The following TPRG1 variants were observed in gnomAD, a reference collection of about 807,000 sequenced individuals.
TPRG1 encodes the protein tumor protein p63 regulated 1.
Under a neutral mutation model 29.3 loss-of-function variants are expected in TPRG1, and 29 were observed. That is an observed-to-expected ratio of 0.99 (90% confidence interval 0.74 to 1.35). TPRG1 has a LOEUF of 1.35. Ranked by LOEUF, TPRG1 falls within the 40% of genes most tolerant of loss-of-function variation. TPRG1 has a pLI of 0.00. For synonymous variants in TPRG1, 130 were observed against 116.8 expected (o/e 1.11, Z -0.73); for missense variants, 327 against 335.0 (o/e 0.98, Z 0.19).
At chr3:189,318,913 T>A (rs7643990) in intron 5 of TPRG1, among the ~76,000 whole-genome samples, 24,338 of 152,170 alleles carry the variant, frequency 0.16, 2,839 homozygotes, top group East Asian at 0.31. Flanking sequence ...ATTAGAATTT[T>A]ATAATTCCTG....
chr3:189,078,052 CT>C (rs1444904572), intron 4 of TPRG1, among the ~76,000 whole-genome samples: 12 of 147,556 alleles, frequency 8.1e-5, no homozygotes, highest in African/African-American at 2.6e-4. Flanking sequence ...TCCTTCCTTC[CT>C]TCCTTCCTTT....
chr3:189,217,798 C>G (rs1736297941), intron 3 of TPRG1: 1 of 979,622 alleles, frequency 1.0e-6, no homozygotes, highest in Non-Finnish European at 1.2e-6. Context: ...AAATAATTGT[C>G]AAAAAGAGGA....
intron 4 of TPRG1, among the ~76,000 whole-genome samples, chr3:189,284,068 C>T (rs1187555820): frequency 6.6e-6 from 1 of 152,174 alleles, no homozygotes; most frequent in Non-Finnish European, 1.5e-5. Flanking sequence ...ATTACAAGGA[C>T]ATGTATCCTC....
chr3:189,292,173 A>G (rs1464054923), intron 4 of TPRG1, among the ~76,000 whole-genome samples: 1 of 152,130 alleles, frequency 6.6e-6, no homozygotes, highest in African/African-American at 2.4e-5. Context: ...TTTTTGCAGC[A>G]TCAGTGTAGG....
chr3:189,144,078 C>A (rs561312749), intron 3 of TPRG1, among the ~76,000 whole-genome samples: 2 of 152,266 alleles, frequency 1.3e-5, no homozygotes, highest in East Asian at 1.9e-4. Flanking sequence ...TGTTTTACTA[C>A]GATTTTAAAA....
At chr3:189,277,474 A>G (rs73061053) in intron 4 of TPRG1, among the ~76,000 whole-genome samples, 2,001 of 152,196 alleles carry the variant, frequency 0.013, 43 homozygotes, top group African/African-American at 0.046. Flanking sequence ...ATACAGCTCT[A>G]TGCTATTAGA....
In TPRG1 at chr3:189,174,375, A is replaced by G. The variant is rs1243122738; in HGVS notation, c.-10+2244A>G. On this transcript the variant is annotated intron_variant, in intron 1 of 5. Coordinates refer to ENST00000345063, the MANE Select transcript of TPRG1 (RefSeq NM_198485.4). ...ATAATGGACCCACATCCCCTCATGG[A>G]TAACACCTGTGCTGGGGCCGGGCAG... is the stretch of plus-strand genomic sequence containing the variant. Among the ~76,000 whole-genome samples, 3 of 152,194 alleles carry G rather than the reference A, an allele frequency of 2.0e-5. No individual in the cohort carries two copies. The East Asian group carries it at 5.8e-4, about 29-fold the overall frequency.
rs1482004763 is a variant in TPRG1 at position 189,221,415 on chromosome 3, T to C, written c.302+6032T>C. 3.9e-5 allele frequency among the ~76,000 whole-genome samples: 6 copies of C among 152,286 alleles called. No individual in the cohort carries two copies. In the South Asian group the frequency reaches 6.2e-4, roughly 16 times the overall value. ...CACTGTTGTGCAAAGATTCCACACG[T>C]GCCTCAGTATTATATTGTAACCTTC... On this transcript the variant is annotated intron_variant, in intron 3 of 5. Coordinates refer to ENST00000345063, the MANE Select transcript of TPRG1 (RefSeq NM_198485.4).
intron 1 of TPRG1, chr3:189,121,300 A>G (rs1004053467): frequency 1.1e-4 from 16 of 152,308 alleles, no homozygotes; most frequent in African/African-American, 3.8e-4. Context: ...ACTCCGGAAG[A>G]CAATATTTCT....
chr3:189,076,863 G>C (rs945330089), intron 4 of TPRG1, among the ~76,000 whole-genome samples: 2 of 151,618 alleles, frequency 1.3e-5, no homozygotes, highest in Non-Finnish European at 2.9e-5. Context: ...GATTTGAAAA[G>C]AAGTTATAGC....
chr3:189,094,404 G>A (rs1718539984), intron 4 of TPRG1, among the ~76,000 whole-genome samples: 1 of 152,006 alleles, frequency 6.6e-6, no homozygotes, highest in Non-Finnish European at 1.5e-5. Flanking sequence ...ATTCCACTAT[G>A]CCTCTGCATG....
intron 4 of TPRG1, among the ~76,000 whole-genome samples, chr3:189,274,461 G>T (rs1188820438): frequency 6.6e-6 from 1 of 152,000 alleles, no homozygotes; most frequent in African/African-American, 2.4e-5. Context: ...TTTTTATATT[G>T]TACAGAACTT....
At chr3:189,080,866 G>A (rs914564523) in intron 4 of TPRG1, among the ~76,000 whole-genome samples, 1 of 151,874 alleles carries the variant, frequency 6.6e-6, no homozygotes, top group South Asian at 2.1e-4. Context: ...TGAGAAAATG[G>A]TATTGAAGGA....
chr3:189,026,318 T>G (rs1396736520), intron 4 of TPRG1, among the ~76,000 whole-genome samples: 5 of 152,196 alleles, frequency 3.3e-5, no homozygotes, highest in African/African-American at 7.2e-5. Flanking sequence ...CTTCTTCTTA[T>G]AAGGACATCA....
chr3:189,288,112 TTGTG>T (rs1214089735), intron 4 of TPRG1, among the ~76,000 whole-genome samples: 3 of 151,156 alleles, frequency 2.0e-5, no homozygotes, highest in African/African-American at 7.3e-5. Flanking sequence ...GTGTATATGG[TTGTG>T]TGTGTGTGGT....
chr3:189,191,199 T>C, intron 1 of TPRG1, among the ~76,000 whole-genome samples: 1 of 152,192 alleles, frequency 6.6e-6, no homozygotes, highest in East Asian at 1.9e-4. Flanking sequence ...TATAGAAAAA[T>C]AAAGAGCTAT....
At chr3:189,098,077 TCAGGGGC>T (rs1718804992), upstream of TPRG1, among the ~76,000 whole-genome samples, 1 of 152,178 alleles carries the variant, frequency 6.6e-6, no homozygotes, top group Non-Finnish European at 1.5e-5. Context: ...CTTTGATTCA[TCAGGGGC>T]CAGTGACCTA....
chr3:189,165,184 G>A (rs1187198488), intron 5 of TPRG1, among the ~76,000 whole-genome samples: 1 of 152,058 alleles, frequency 6.6e-6, no homozygotes, highest in Non-Finnish European at 1.5e-5. Context: ...ACAGTGAGGA[G>A]CAATGTAAAA....
upstream of TPRG1, among the ~76,000 whole-genome samples, chr3:189,098,509 G>C (rs1217312327): frequency 1.3e-5 from 2 of 152,120 alleles, no homozygotes; most frequent in African/African-American, 4.8e-5. Flanking sequence ...GGGCAGACAA[G>C]AACGTCCAGG....
Sources: allele counts gnomAD v4.1 joint callset (sites outside exome capture counted in the v4.1 genomes callset), GRCh38; gene constraint gnomAD v4.1.1; transcripts MANE v1.5; gene names NCBI Gene and HGNC (gene_info 2026-07-23, HGNC 2026-07-21).